Variants in ATM observed in about 807,000 individuals in gnomAD.
The protein encoded by ATM is ATM serine/threonine kinase, also known as serine-protein kinase ATM.
Under a neutral mutation model 387.0 loss-of-function variants are expected in ATM, and 308 were observed. That is an observed-to-expected ratio of 0.80 (90% CI 0.73 to 0.87). The LOEUF (loss-of-function observed/expected upper bound fraction) is 0.87. ATM is among the 40% of genes least tolerant of loss of function. ATM has a pLI of 0.00. For synonymous variants in ATM, 1,156 were observed against 1,187.3 expected, an observed-to-expected ratio of 0.97 and a Z score of 0.54; for missense variants, 3,312 against 3,560.9, an observed-to-expected ratio of 0.93 and a Z score of 1.78.
chr11:108,300,990 G>A (rs2083401555), intron 34 of ATM, among the ~76,000 whole-genome samples: 1 of 148,146 alleles, frequency 6.8e-6, no homozygotes, highest in African/African-American at 2.5e-5. Flanking sequence ...CCAAATTCTT[G>A]GGCTCAAGCA....
intron 43 of ATM, among the ~76,000 whole-genome samples, chr11:108,318,106 A>G (rs1222925292): frequency 2.0e-5 from 3 of 152,170 alleles, no homozygotes; most frequent in Non-Finnish European, 2.9e-5. Flanking sequence ...TCATGCCTAT[A>G]ATCCTAGCAC....
intron 60 of ATM, 73 bp from the exon 61 acceptor site, chr11:108,354,738 A>G (rs947222695): frequency 1.6e-6 from 2 of 1,245,692 alleles, no homozygotes; most frequent in East Asian, 4.6e-5. Flanking sequence ...TACACATGAG[A>G]GTATACAGAT....
Position 108,368,299 on chromosome 11 carries a change from A to G in ATM, c.*2791A>G. 4.7e-6 allele frequency: 1 copy of G among 213,304 alleles called. No homozygotes were observed. Among genetic ancestry groups the G allele is most frequent in the Non-Finnish European group, 9.5e-6 (1 of 105,512 alleles). The allele number at this position is 213,304 out of a possible 1,614,324, so 13.2% of individuals were successfully genotyped here. On this transcript the variant is annotated 3_prime_UTR_variant, in exon 63 of 63. Coordinates refer to ENST00000675843, the MANE Select transcript of ATM (RefSeq NM_000051.4). ...GCAAGACTCTGCCTCAAAAAAAAAAAAAAAAAGGTTTTGGCAAGCTGGAAC... is the reference window on the plus strand; with the variant it reads ...GCAAGACTCTGCCTCAAAAAAAAAAGAAAAAAGGTTTTGGCAAGCTGGAAC...
At chr11:108,357,424 G>C (rs998858505) in intron 61 of ATM, among the ~76,000 whole-genome samples, 5 of 152,206 alleles carry the variant, frequency 3.3e-5, no homozygotes, top group African/African-American at 1.2e-4. Flanking sequence ...CGGGAAGCTC[G>C]AACTGGGTGG....
chr11:108,333,871 C>A lies in ATM; in HGVS notation c.7928-15C>A, dbSNP rs2136609522. 1 of 1,582,318 alleles carries A rather than the reference C, an allele frequency of 6.3e-7. No individual in the cohort carries two copies. The highest frequency in any genetic ancestry group is 8.7e-7 in the Non-Finnish European group (1 of 1,151,144). On this transcript the variant is annotated splice_polypyrimidine_tract_variant and intron_variant, in intron 53 of 62. Coordinates refer to ENST00000675843, the MANE Select transcript of ATM (RefSeq NM_000051.4). ...CCTCAGTTTGTCACTAAAATCTCTT[C>A]ATTTTTAAATACAGAAGGCATAAAT...
Position 108,367,148 on chromosome 11 carries a change from C to T in ATM, c.*1640C>T, listed in dbSNP as rs886047622. On this transcript the variant is annotated 3_prime_UTR_variant, in exon 63 of 63. Transcript: ENST00000675843. ...GACTACAGGCGTGTGCCAACACGCC[C>T]GGCTAATTTTTTGTATTTTTATTAG... is the stretch of plus-strand genomic sequence containing the variant. 1.7e-5 allele frequency: 3 copies of T among 178,296 alleles called. No individual in the cohort carries two copies. Among genetic ancestry groups the T allele is most frequent in the South Asian group, 2.0e-4 (1 of 5,040 alleles). 11.0% of individuals were successfully genotyped at this position (178,296 alleles called of 1,614,324 possible). A position where few individuals can be genotyped will look rare whatever the true frequency, so the allele number is the denominator to read the frequency against.
rs371627099 is a variant in ATM at position 108,262,492 on chromosome 11, A to G, written c.2466+3417A>G. 1.8e-3 allele frequency among the ~76,000 whole-genome samples: 278 copies of G among 152,370 alleles called. 3 individuals are homozygous for G. In the East Asian group the frequency reaches 0.051, roughly 28 times the overall value. On this transcript the variant is annotated intron_variant, in intron 16 of 62. Coordinates refer to ENST00000675843, the MANE Select transcript of ATM (RefSeq NM_000051.4). ...AGAGCTCCTGAAGGAAGCATTAAACATGGAAAGGAACAACCGGTACCAGCC... is the reference window on the plus strand; with the variant it reads ...AGAGCTCCTGAAGGAAGCATTAAACGTGGAAAGGAACAACCGGTACCAGCC...
At chr11:108,334,579 T>C (rs2086626509) in intron 54 of ATM, among the ~76,000 whole-genome samples, 1 of 152,234 alleles carries the variant, frequency 6.6e-6, no homozygotes. Flanking sequence ...ATCTAGTTAC[T>C]TGATTTGAAA....
At chr11:108,271,482 C>A (rs2135556577) in intron 20 of ATM, 76 bp downstream of exon 20, 1 of 1,520,790 alleles carries the variant, frequency 6.6e-7, no homozygotes, top group Non-Finnish European at 9.1e-7. Context: ...GTATCCACAT[C>A]AGTGATTTCT....
At chr11:108,265,608 G>T (rs1485211991) in intron 16 of ATM, among the ~76,000 whole-genome samples, 35 of 149,706 alleles carry the variant, frequency 2.3e-4, no homozygotes, top group African/African-American at 8.7e-4. Context: ...AAAAGCAATG[G>T]CAACAAAAGA....
chr11:108,280,073 T>C (rs1253879957), intron 23 of ATM, among the ~76,000 whole-genome samples: 1 of 152,168 alleles, frequency 6.6e-6, no homozygotes, highest in Non-Finnish European at 1.5e-5. Flanking sequence ...GAGTTCAAAT[T>C]TTTTCATTTA....
At chr11:108,270,244 C>A (rs565795419) in intron 18 of ATM, among the ~76,000 whole-genome samples, 47 of 152,246 alleles carry the variant, frequency 3.1e-4, no homozygotes, top group African/African-American at 1.0e-3. Flanking sequence ...GAAGATAGGT[C>A]AAGGTTTTTG....
Position 108,318,294 on chromosome 11 carries a change from G to A in ATM, c.6347+773G>A, listed in dbSNP as rs768464474. ...GGAGAATTGCTAGAACACGGGAGAC[G>A]GAGGTTGCAGTGAGCTGAGATAGCA... On this transcript the variant is annotated intron_variant, in intron 43 of 62. Coordinates refer to ENST00000675843, the MANE Select transcript of ATM (RefSeq NM_000051.4). Among the ~76,000 whole-genome samples the A allele has an allele frequency of 7.9e-5, 12 of 151,946 alleles. 1 individual carries two copies. The highest frequency in any genetic ancestry group is 4.1e-4 in the South Asian group (2 of 4,824).
At chr11:108,235,918 A>G (rs2234999) in intron 5 of ATM, 84 bp downstream of exon 5, 255 of 1,480,112 alleles carry the variant, frequency 1.7e-4, no homozygotes, top group East Asian at 1.3e-3. Flanking sequence ...GTATCTGTCT[A>G]TATCCCCCAA....
Position 108,332,920 on chromosome 11 carries a change from G to C in ATM, c.7927+20G>C, listed in dbSNP as rs2136576134. 1 of 1,606,836 alleles carries C rather than the reference G, an allele frequency of 6.2e-7. No individual in the cohort carries two copies. The highest frequency in any genetic ancestry group is 1.1e-5 in the South Asian group (1 of 90,964). On this transcript the variant is annotated intron_variant, in intron 53 of 62. Transcript: ENST00000675843. ...AGAGAAGTATGTTTTTTTTAAAGAA[G>C]AAACGTTACTTTCTTGCTGTGTTAC...
rs2235001 is a variant in ATM at position 108,243,905 on chromosome 11, T to G, written c.497-48T>G. On this transcript the variant is annotated intron_variant, in intron 5 of 62. Coordinates refer to ENST00000675843, the MANE Select transcript of ATM (RefSeq NM_000051.4). ...AAGTTAAATTGTAACATTTAATACA[T>G]TTTGATTTTTAAAAAATCATGACTA... 10,562 of 1,463,384 alleles carry G rather than the reference T, an allele frequency of 7.2e-3. 284 individuals are homozygous for G. The highest frequency in any genetic ancestry group is 0.069 in the African/African-American group (4,850 of 70,328). 90.6% of individuals were successfully genotyped at this position (1,463,384 alleles called of 1,614,324 possible). A position where few individuals can be genotyped will look rare whatever the true frequency, so the allele number is the denominator to read the frequency against.
chr11:108,354,684 T>C (rs2089665131), intron 60 of ATM, 127 bp from the exon 61 acceptor site: 2 of 863,538 alleles, frequency 2.3e-6, no homozygotes, highest in Admixed American at 3.5e-5. Context: ...TTATGCTATT[T>C]TGAGATACAG....
intron 16 of ATM, among the ~76,000 whole-genome samples, chr11:108,265,691 C>A (rs1455285934): frequency 2.7e-5 from 4 of 146,330 alleles, no homozygotes; most frequent in African/African-American, 1.0e-4. Context: ...TCAGAGTGAA[C>A]AGGCAACCTA....
chr11:108,301,619 T>C (rs557372564), intron 34 of ATM, 29 bp from the exon 35 acceptor site: 1 of 1,613,028 alleles, frequency 6.2e-7, no homozygotes, highest in South Asian at 1.1e-5. Flanking sequence ...ACTGGTGTAC[T>C]TGATAGGCAT....
Sources: gnomAD v4.1 joint callset for allele counts (sites outside exome capture counted in the v4.1 genomes callset) on GRCh38, gnomAD v4.1.1 for gene constraint, MANE v1.5 for transcripts, NCBI Gene and HGNC (gene_info 2026-07-23, HGNC 2026-07-21) for gene names.